SNX29: variants seen among roughly 807,000 people sequenced by gnomAD.
SNX29 encodes sorting nexin-29.
SNX29 carries 78 observed loss-of-function variants against 102.1 expected under a neutral mutation model. The ratio of observed to expected loss-of-function variants is 0.76; its 90% confidence interval spans 0.64 to 0.92. SNX29 has a LOEUF of 0.92. Among genes scored for constraint, SNX29 ranks in the 40% least tolerant of loss-of-function variants. SNX29 has a pLI of 0.00. For missense variants in SNX29, 1,280 were observed against 1,061.7 expected (o/e 1.21, Z -2.86); for synonymous variants, 580 against 414.5 (o/e 1.40, Z -4.85).
chr16:12,143,613 T>G (rs2054945852), intron 13 of SNX29, among the ~76,000 whole-genome samples: 1 of 152,176 alleles, frequency 6.6e-6, no homozygotes, highest in Non-Finnish European at 1.5e-5. Context: ...AGAGATTGCA[T>G]GTCAAGGGTT....
At chr16:12,377,575 C>T (rs565252431) in intron 16 of SNX29, among the ~76,000 whole-genome samples, 13 of 152,132 alleles carry the variant, frequency 8.5e-5, no homozygotes, top group Non-Finnish European at 1.5e-4. Flanking sequence ...GATCACTCAA[C>T]GGGTAGGTTA....
chr16:12,373,728 C>T (rs1370628958), intron 16 of SNX29: 2 of 152,142 alleles, frequency 1.3e-5, no homozygotes, highest in African/African-American at 4.8e-5. Context: ...CCGCTTTTCA[C>T]CTTAGCATCC....
chr16:12,437,928 C>A (rs1369787809), intron 18 of SNX29, among the ~76,000 whole-genome samples: 1 of 152,150 alleles, frequency 6.6e-6, no homozygotes, highest in African/African-American at 2.4e-5. Flanking sequence ...CCCAGGGCCC[C>A]AGCGGTCCAT....
chr16:12,432,767 C>T (rs960020573), intron 18 of SNX29, among the ~76,000 whole-genome samples: 1 of 152,348 alleles, frequency 6.6e-6, no homozygotes, highest in South Asian at 2.1e-4. Flanking sequence ...GAGAGGCGCT[C>T]ATTCTGCTAG....
At chr16:12,564,446 A>C (rs546475663) in intron 20 of SNX29, among the ~76,000 whole-genome samples, 1 of 152,304 alleles carries the variant, frequency 6.6e-6, no homozygotes, top group East Asian at 1.9e-4. Context: ...ACAGATCAGA[A>C]AGCTGTGTTT....
chr16:12,451,975 G>T (rs561905673), intron 18 of SNX29, among the ~76,000 whole-genome samples: 4 of 152,318 alleles, frequency 2.6e-5, no homozygotes, highest in African/African-American at 9.6e-5. Context: ...TAAGCAGCTT[G>T]AGCCATATGG....
chr16:12,472,119 A>C lies in SNX29; in HGVS notation c.2038-5600A>C, dbSNP rs545153781. On this transcript the variant is annotated intron_variant, in intron 18 of 20. Coordinates refer to ENST00000566228, the MANE Select transcript of SNX29 (RefSeq NM_032167.5). ...GGAATACTATTCATTAGTGCAAAGC[A>C]ACATGAGGGCCATACACAGAAACAC... 2.0e-5 allele frequency among the ~76,000 whole-genome samples: 3 copies of C among 152,390 alleles called. No individual in the cohort carries two copies. The South Asian group carries it at 6.2e-4, about 32-fold the overall frequency.
intron 14 of SNX29, among the ~76,000 whole-genome samples, chr16:12,262,542 A>G (rs928547708): frequency 1.3e-5 from 2 of 152,162 alleles, no homozygotes; most frequent in African/African-American, 4.8e-5. Context: ...CAGCGATGAC[A>G]AAGAACGGGG....
chr16:12,037,342 G>A (rs2057504554), intron 4 of SNX29, among the ~76,000 whole-genome samples: 1 of 152,090 alleles, frequency 6.6e-6, no homozygotes, highest in South Asian at 2.1e-4. Flanking sequence ...GAGGAGACAA[G>A]GCCTCTTTTC....
At chr16:12,300,563 C>A (rs1220620453) in intron 15 of SNX29, among the ~76,000 whole-genome samples, 1 of 152,158 alleles carries the variant, frequency 6.6e-6, no homozygotes, top group Non-Finnish European at 1.5e-5. Flanking sequence ...TCCTATGTAA[C>A]TGCTTTTCCC....
intron 14 of SNX29, among the ~76,000 whole-genome samples, chr16:12,263,888 G>C (rs763570443): frequency 2.2e-4 from 33 of 152,192 alleles, no homozygotes; most frequent in Non-Finnish European, 4.6e-4. Context: ...GCTAGATGGA[G>C]TCTTTGCCCT....
At chr16:12,480,911 C>G (rs1359618744) in intron 19 of SNX29, among the ~76,000 whole-genome samples, 1 of 152,138 alleles carries the variant, frequency 6.6e-6, no homozygotes, top group Non-Finnish European at 1.5e-5. Context: ...AAGTCTTACT[C>G]TGTTCCCAGG....
intron 14 of SNX29, among the ~76,000 whole-genome samples, chr16:12,248,086 C>T (rs555271677): frequency 6.6e-6 from 1 of 152,284 alleles, no homozygotes; most frequent in East Asian, 1.9e-4. Context: ...TGATGCCCCT[C>T]TCCTGTGAGG....
At chr16:12,127,971 C>A (rs4781184) in intron 12 of SNX29, among the ~76,000 whole-genome samples, 5,637 of 152,160 alleles carry the variant, frequency 0.037, 238 homozygotes, top group African/African-American at 0.088. Flanking sequence ...GTGTTCACGT[C>A]ACCCTTTCTT....
intron 11 of SNX29, among the ~76,000 whole-genome samples, chr16:12,113,904 G>A (rs937681722): frequency 6.6e-6 from 1 of 152,232 alleles, no homozygotes; most frequent in African/African-American, 2.4e-5. Flanking sequence ...CACAGCATCT[G>A]AGAGCTAGAA....
chr16:12,421,653 A>T (rs1261582515), intron 18 of SNX29, among the ~76,000 whole-genome samples: 2 of 152,164 alleles, frequency 1.3e-5, no homozygotes, highest in Non-Finnish European at 2.9e-5. Context: ...GTTCTTAGGA[A>T]ACATTATAGC....
chr16:12,461,981 ATATATATAT>A (rs1423280213), intron 18 of SNX29, among the ~76,000 whole-genome samples: 5 of 40,236 alleles, frequency 1.2e-4, no homozygotes, highest in Non-Finnish European at 1.7e-4. Flanking sequence ...AAAAAAAAAT[ATATATATAT>A]ATATATATAT....
intron 13 of SNX29, among the ~76,000 whole-genome samples, chr16:12,130,168 T>C (rs2054397598): frequency 1.4e-5 from 2 of 146,428 alleles, no homozygotes; most frequent in Admixed American, 1.4e-4. Flanking sequence ...CACGTTCACC[T>C]GGACTTTTTA....
chr16:12,565,059 G>T (rs564241578), intron 20 of SNX29, among the ~76,000 whole-genome samples: 17 of 152,120 alleles, frequency 1.1e-4, no homozygotes, highest in Non-Finnish European at 2.4e-4. Flanking sequence ...TTCCCCTGTA[G>T]CAAAGGGGCC....
Sources: gnomAD v4.1 joint callset for allele counts (sites outside exome capture counted in the v4.1 genomes callset) on GRCh38, gnomAD v4.1.1 for gene constraint, MANE v1.5 for transcripts, NCBI Gene and HGNC (gene_info 2026-07-23, HGNC 2026-07-21) for gene names.